EPHA5: variants seen among roughly 807,000 people sequenced by gnomAD.
The protein encoded by EPHA5 is ephrin type-A receptor 5.
EPHA5 carries 60 observed loss-of-function variants against 105.0 expected under a neutral mutation model. The observed-to-expected ratio is 0.57, with a 90% CI of 0.46 to 0.71. The LOEUF is 0.71. Ranked by LOEUF, EPHA5 falls within the 30% of genes least tolerant of loss-of-function variation. The probability of loss-of-function intolerance (pLI) is 0.00; values close to 1 mark genes in which losing one functional copy is unlikely to be tolerated. For synonymous variants in EPHA5, 513 were observed against 449.1 expected (o/e 1.14, Z -1.80); for missense variants, 1,218 against 1,274.7 (o/e 0.96, Z 0.68).
In EPHA5 at chr4:65,475,803, C is replaced by T. The variant is rs1203780819; in HGVS notation, c.1402+14574G>A. Among the ~76,000 whole-genome samples, 2 of 152,008 alleles carry T rather than the reference C, an allele frequency of 1.3e-5. 1 individual carries two copies. Among genetic ancestry groups the T allele is most frequent in the Non-Finnish European group, 2.9e-5 (2 of 67,984 alleles). On this transcript the variant is annotated intron_variant, in intron 5 of 16. Transcript: ENST00000613740. Reference sequence around the variant, plus strand: ...CATTGAATAGCAAATCTGTTTGCAACCAGATTTGACACGAAATAGTAGAGT... The same window carrying T: ...CATTGAATAGCAAATCTGTTTGCAATCAGATTTGACACGAAATAGTAGAGT...
chr4:65,490,552 G>A lies in EPHA5; in HGVS notation c.1227C>T (p.Gly409=), dbSNP rs199891992. 37 of 1,614,034 alleles carry A rather than the reference G, an allele frequency of 2.3e-5. No homozygotes were observed. The East Asian group carries it at 8.0e-4, about 35-fold the overall frequency. ...GCCGGGGAAGGTACCTGACATGACCGCCACACTCCTCACACACACCTGCAT... is the reference window on the plus strand; with the variant it reads ...GCCGGGGAAGGTACCTGACATGACCACCACACTCCTCACACACACCTGCAT... ...NSHAGVCEEC[G]GHVRYLPRQS... Residue 409 remains glycine (G), a synonymous_variant, in exon 5 of 17, where the codon GGC becomes GGT. Transcript: ENST00000613740.
intron 3 of EPHA5, among the ~76,000 whole-genome samples, chr4:65,513,935 G>T (rs1269256854): frequency 1.3e-5 from 2 of 151,988 alleles, no homozygotes; most frequent in East Asian, 3.9e-4. Flanking sequence ...GAATCCACCT[G>T]TCTCACTTCC....
intron 5 of EPHA5, among the ~76,000 whole-genome samples, chr4:65,479,635 T>G (rs557432587): frequency 5.7e-4 from 87 of 152,286 alleles, no homozygotes; most frequent in African/African-American, 2.0e-3. Context: ...GGCTTTACAC[T>G]GAATACAGAA....
chr4:65,506,266 T>C (rs1179506679), intron 3 of EPHA5, among the ~76,000 whole-genome samples: 1 of 152,028 alleles, frequency 6.6e-6, no homozygotes, highest in Non-Finnish European at 1.5e-5. Flanking sequence ...ACATTTGGGT[T>C]GGTTCCCAGT....
chr4:65,490,742 T>C (rs753885409), intron 4 of EPHA5, 30 bp from the exon 5 acceptor site: 97 of 1,594,606 alleles, frequency 6.1e-5, no homozygotes, highest in Non-Finnish European at 8.1e-5. Context: ...AAGAAAAACA[T>C]ATTTTAAGAT....
intron 3 of EPHA5, chr4:65,573,614 A>G (rs1740466008): frequency 6.3e-7 from 1 of 1,599,732 alleles, no homozygotes; most frequent in African/African-American, 1.3e-5. Flanking sequence ...TCCTTGTCAG[A>G]GGAATTGGCA....
chr4:65,638,055 T>C (rs541926735), intron 2 of EPHA5, among the ~76,000 whole-genome samples: 1 of 152,246 alleles, frequency 6.6e-6, no homozygotes, highest in African/African-American at 2.4e-5. Flanking sequence ...AGATTTGAGG[T>C]AGACATTTTT....
chr4:65,346,084 C>CTTTT (rs5858952), intron 14 of EPHA5, among the ~76,000 whole-genome samples: 9 of 145,458 alleles, frequency 6.2e-5, no homozygotes, highest in African/African-American at 2.3e-4. Flanking sequence ...TTTTCTCTCT[C>CTTTT]TTTTTTTTTT....
intron 3 of EPHA5, among the ~76,000 whole-genome samples, chr4:65,588,815 G>A (rs1451695104): frequency 2.0e-5 from 3 of 152,068 alleles, no homozygotes; most frequent in South Asian, 2.1e-4. Flanking sequence ...CTGGTCGGAC[G>A]GTACCAGGTT....
At chr4:65,573,746 TG>T in intron 3 of EPHA5, 5 of 1,607,896 alleles carry the variant, frequency 3.1e-6, no homozygotes, top group Non-Finnish European at 4.2e-6. Context: ...CAAAACCAGT[TG>T]GTGGTGACAA....
intron 2 of EPHA5, among the ~76,000 whole-genome samples, chr4:65,603,537 T>G (rs1743943899): frequency 6.6e-6 from 1 of 152,140 alleles, no homozygotes; most frequent in Admixed American, 6.6e-5. Context: ...CATTATTTCT[T>G]GATTCTGTTC....
intron 1 of EPHA5, among the ~76,000 whole-genome samples, chr4:65,663,493 C>T (rs900690436): frequency 2.6e-5 from 4 of 152,036 alleles, no homozygotes; most frequent in East Asian, 3.9e-4. Context: ...AAAACAAGAC[C>T]TTCAATTACT....
intron 3 of EPHA5, among the ~76,000 whole-genome samples, chr4:65,582,642 G>A (rs1282148910): frequency 6.6e-6 from 1 of 151,440 alleles, no homozygotes; most frequent in Non-Finnish European, 1.5e-5. Flanking sequence ...AAATAACTTG[G>A]GTATTATCTG....
Position 65,401,904 on chromosome 4 carries a change from T to TGTGA in EPHA5, c.1793+2469_1793+2470insTCAC, listed in dbSNP as rs1386762981. Reference sequence around the variant, plus strand: ...TATAGAATTTGTGTATGTGTGTGTGTGAGAGAGAGAGAGAGAGAGAGAGAG... The same window carrying TGTGA: ...TATAGAATTTGTGTATGTGTGTGTGTGTGAGAGAGAGAGAGAGAGAGAGAGAGAG... On this transcript the variant is annotated intron_variant, in intron 8 of 16. Transcript: ENST00000613740. Among the ~76,000 whole-genome samples, 70 of 148,670 alleles carry TGTGA rather than the reference T, an allele frequency of 4.7e-4. No individual in the cohort carries two copies. In the South Asian group the frequency reaches 9.4e-3, roughly 20 times the overall value.
chr4:65,350,358 C>A (rs1722699299), intron 13 of EPHA5, among the ~76,000 whole-genome samples: 1 of 147,802 alleles, frequency 6.8e-6, no homozygotes, highest in Non-Finnish European at 1.5e-5. Context: ...AATCACAAAG[C>A]AAAAATGTTT....
chr4:65,437,559 A>G (rs1228002777), intron 5 of EPHA5, among the ~76,000 whole-genome samples: 4 of 152,046 alleles, frequency 2.6e-5, no homozygotes, highest in African/African-American at 9.7e-5. Flanking sequence ...CTTGAAATCT[A>G]TAATAATTAG....
rs182244623 is a variant in EPHA5 at position 65,567,026 on chromosome 4, C to T, written c.910+34615G>A. Among the ~76,000 whole-genome samples the T allele has an allele frequency of 1.4e-3, 219 of 151,684 alleles. 1 individual carries two copies. Among genetic ancestry groups the T allele is most frequent in the Admixed American group, 2.0e-3 (30 of 15,184 alleles). ...CTGACTACACACACCCATATACAAA[C>T]ACTCCACACTTTTATTTGTGCATTC... On this transcript the variant is annotated intron_variant, in intron 3 of 16. Coordinates refer to ENST00000613740, the MANE Select transcript of EPHA5 (RefSeq NM_001281766.3).
intron 3 of EPHA5, among the ~76,000 whole-genome samples, chr4:65,537,375 A>G (rs983054378): frequency 1.4e-4 from 21 of 151,772 alleles, no homozygotes; most frequent in African/African-American, 5.1e-4. Context: ...AGTTTTTCAG[A>G]TAGCAAAATT....
At chr4:65,445,883 G>A (rs1726470809) in intron 5 of EPHA5, among the ~76,000 whole-genome samples, 1 of 151,956 alleles carries the variant, frequency 6.6e-6, no homozygotes, top group Admixed American at 6.6e-5. Flanking sequence ...TACCAATTAG[G>A]GATGGCGTGC....
Sources: gnomAD v4.1 joint callset for allele counts (sites outside exome capture counted in the v4.1 genomes callset) on GRCh38, gnomAD v4.1.1 for gene constraint, MANE v1.5 for transcripts, NCBI Gene and HGNC (gene_info 2026-07-23, HGNC 2026-07-21) for gene names.